Variants in LRRFIP1 observed in about 807,000 individuals in gnomAD.
The protein encoded by LRRFIP1 is LRR binding FLII interacting protein 1.
Under a neutral mutation model 104.4 loss-of-function variants are expected in LRRFIP1, and 62 were observed. The observed-to-expected ratio is 0.59, with a 90% CI of 0.48 to 0.73. The LOEUF is 0.73. Among genes scored for constraint, LRRFIP1 ranks in the 30% least tolerant of loss-of-function variants. The probability of loss-of-function intolerance (pLI) is 0.00; values close to 1 mark genes in which losing one functional copy is unlikely to be tolerated. For missense variants in LRRFIP1, 796 were observed against 824.5 expected (o/e 0.97, Z 0.42); for synonymous variants, 300 against 299.0 (o/e 1.00, Z -0.03).
intron 1 of LRRFIP1, among the ~76,000 whole-genome samples, chr2:237,706,213 C>G (rs1470685748): frequency 6.6e-6 from 1 of 152,060 alleles, no homozygotes; most frequent in Admixed American, 6.5e-5. Flanking sequence ...GTATGCAGGG[C>G]GTGTACACCA....
chr2:237,776,356 T>C (rs1014836201), intron 23 of LRRFIP1, among the ~76,000 whole-genome samples: 1 of 152,252 alleles, frequency 6.6e-6, no homozygotes, highest in Non-Finnish European at 1.5e-5. Context: ...AATGGCCTGA[T>C]ACATGATTCA....
chr2:237,637,135 T>C (rs1445308056), intron 1 of LRRFIP1, among the ~76,000 whole-genome samples: 1 of 152,178 alleles, frequency 6.6e-6, no homozygotes, highest in Non-Finnish European at 1.5e-5. Flanking sequence ...CAAATAAAGA[T>C]AGTAAAACAA....
At chr2:237,629,869 A>G (rs905663149) in intron 1 of LRRFIP1, among the ~76,000 whole-genome samples, 1 of 152,162 alleles carries the variant, frequency 6.6e-6, no homozygotes, top group African/African-American at 2.4e-5. Flanking sequence ...AGGGAGATGC[A>G]GTTGGAGTTA....
At position 237,758,755 on chromosome 2, in the gene LRRFIP1, T is replaced by G; in HGVS notation, c.1251T>G (p.Phe417Leu). The change falls in exon 18 of 24, where the codon TTT (phenylalanine) becomes TTG (leucine). Residue 417 changes from phenylalanine (F) to leucine (L), a missense_variant. Phe to Leu is a conservative substitution (Grantham distance 22, BLOSUM62 0). Coordinates refer to ENST00000308482, the MANE Select transcript of LRRFIP1 (RefSeq NM_001137550.2). ...IGALERQKEF[F>L]DSVRSERDDL... Reference sequence around the variant, plus strand: ...CATTAGAGAGGCAGAAAGAGTTCTTTGATTCCGTAAGGAGTGAACGGGATG... The same window carrying G: ...CATTAGAGAGGCAGAAAGAGTTCTTGGATTCCGTAAGGAGTGAACGGGATG... The G allele has an allele frequency of 1.2e-6, 2 of 1,613,422 alleles. No homozygotes were observed. The highest frequency in any genetic ancestry group is 1.7e-6 in the Non-Finnish European group (2 of 1,179,684).
intron 1 of LRRFIP1, among the ~76,000 whole-genome samples, chr2:237,665,136 C>A (rs2088952594): frequency 6.6e-6 from 1 of 151,988 alleles, no homozygotes; most frequent in Non-Finnish European, 1.5e-5. Context: ...GTGAAATAAA[C>A]CATTTACTTC....
intron 1 of LRRFIP1, among the ~76,000 whole-genome samples, chr2:237,640,468 G>C (rs2083770871): frequency 6.6e-6 from 1 of 152,070 alleles, no homozygotes; most frequent in Non-Finnish European, 1.5e-5. Context: ...GGCTGCAGGA[G>C]AAGGGACAGG....
At chr2:237,746,050 T>G (rs1437152744) in intron 11 of LRRFIP1, among the ~76,000 whole-genome samples, 3 of 146,672 alleles carry the variant, frequency 2.0e-5, no homozygotes, top group Admixed American at 1.4e-4. Context: ...TTTTATTTAT[T>G]TTATTTTATT....
At chr2:237,636,779 G>A (rs1014524214) in intron 1 of LRRFIP1, among the ~76,000 whole-genome samples, 12 of 152,208 alleles carry the variant, frequency 7.9e-5, no homozygotes, top group Non-Finnish European at 1.3e-4. Flanking sequence ...CACACAGGGC[G>A]GCTGAAGTGT....
At chr2:237,739,415 A>G (rs544484902) in intron 11 of LRRFIP1, 106 bp downstream of exon 11, 117 of 989,212 alleles carry the variant, frequency 1.2e-4, no homozygotes, top group Non-Finnish European at 1.7e-4. Flanking sequence ...CTCTGCGGTG[A>G]TATTATTAGG....
At position 237,721,014 on chromosome 2, in the gene LRRFIP1, T is replaced by C. The variant is rs142710979; in HGVS notation, c.345+192T>C. The stretch of plus-strand genomic sequence containing the variant: ...TGTTGCTGTAGAGAGATGATTTATA[T>C]GCATAGGCACGTTGGTTGTTTCTTT... On this transcript the variant is annotated intron_variant, in intron 6 of 23. Coordinates refer to ENST00000308482, the MANE Select transcript of LRRFIP1 (RefSeq NM_001137550.2). 5.6e-3 allele frequency: 3,102 copies of C among 556,766 alleles called. 23 individuals are homozygous for C. The highest frequency in any genetic ancestry group is 0.02 in the South Asian group (864 of 42,780). 34.5% of individuals were successfully genotyped at this position (556,766 alleles called of 1,614,324 possible).
intron 1 of LRRFIP1, among the ~76,000 whole-genome samples, chr2:237,692,782 C>T (rs2092906399): frequency 1.3e-5 from 2 of 152,262 alleles, no homozygotes; most frequent in African/African-American, 4.8e-5. Context: ...GGTCTCTCCC[C>T]GCCCGAGGTG....
intron 1 of LRRFIP1, among the ~76,000 whole-genome samples, chr2:237,694,117 T>TG (rs1358858441): frequency 5.3e-5 from 8 of 152,202 alleles, no homozygotes; most frequent in Non-Finnish European, 1.0e-4. Flanking sequence ...CCCTGTCCAA[T>TG]GGGGGGCTAG....
At chr2:237,699,069 G>T (rs772129166) in intron 1 of LRRFIP1, among the ~76,000 whole-genome samples, 12 of 152,230 alleles carry the variant, frequency 7.9e-5, no homozygotes, top group Non-Finnish European at 1.6e-4. Context: ...ACACACCTGT[G>T]CCTGGCGTCA....
At chr2:237,686,466 A>G (rs1050730404) in intron 1 of LRRFIP1, among the ~76,000 whole-genome samples, 1 of 152,226 alleles carries the variant, frequency 6.6e-6, no homozygotes, top group Non-Finnish European at 1.5e-5. Context: ...AAAGTCCTCC[A>G]TTTTGTTAGG....
Position 237,720,755 on chromosome 2 carries a change from G to T in LRRFIP1, c.295-17G>T. 1.2e-6 allele frequency: 2 copies of T among 1,612,792 alleles called. No individual in the cohort carries two copies. The highest frequency in any genetic ancestry group is 1.7e-6 in the Non-Finnish European group (2 of 1,178,848). On this transcript the variant is annotated splice_polypyrimidine_tract_variant and intron_variant, in intron 5 of 23. Transcript: ENST00000308482. Reference sequence around the variant, plus strand: ...GTATGATTCCTTCACGGTTGTTCTCGTCCTTTCTTTTAATAGGCTTCTGAT... The same window carrying T: ...GTATGATTCCTTCACGGTTGTTCTCTTCCTTTCTTTTAATAGGCTTCTGAT...
chr2:237,642,143 G>T (rs1411579657), intron 1 of LRRFIP1, among the ~76,000 whole-genome samples: 2 of 152,228 alleles, frequency 1.3e-5, no homozygotes, highest in Non-Finnish European at 2.9e-5. Flanking sequence ...GCGATACTGG[G>T]TGGCTGTGAG....
chr2:237,768,174 T>C lies in LRRFIP1; in HGVS notation c.1460-1769T>C, dbSNP rs2060358748. 4 of 152,246 alleles carry C rather than the reference T, an allele frequency of 2.6e-5. No individual in the cohort carries two copies. The South Asian group carries it at 8.3e-4, about 31-fold the overall frequency. The allele number at this position is 152,246 out of a possible 1,614,324, so 9.4% of individuals were successfully genotyped here. ...TTATTTTCTTCATGTCAAATTATTTTGCTTCATTTCTTTTTCCATTTTCTT... is the reference window on the plus strand; with the variant it reads ...TTATTTTCTTCATGTCAAATTATTTCGCTTCATTTCTTTTTCCATTTTCTT... On this transcript the variant is annotated intron_variant, in intron 19 of 23. Transcript: ENST00000308482.
intron 10 of LRRFIP1, among the ~76,000 whole-genome samples, chr2:237,736,014 G>T (rs1314173199): frequency 6.6e-6 from 1 of 152,172 alleles, no homozygotes; most frequent in Non-Finnish European, 1.5e-5. Context: ...CTATAAAAAT[G>T]TCTTCAAGCC....
Position 237,711,391 on chromosome 2 carries a change from G to A in LRRFIP1, c.183+2761G>A, listed in dbSNP as rs1056796038. 6.6e-6 allele frequency among the ~76,000 whole-genome samples: 1 copy of A among 152,220 alleles called. No homozygotes were observed. Among genetic ancestry groups the A allele is most frequent in the East Asian group, 1.9e-4 (1 of 5,202 alleles). On this transcript the variant is annotated intron_variant, in intron 2 of 23. Coordinates refer to ENST00000308482, the MANE Select transcript of LRRFIP1 (RefSeq NM_001137550.2). This position sits in a 1 kb window ranked among gnomAD's most constrained non-coding sequence, Gnocchi z 4.4. The stretch of plus-strand genomic sequence containing the variant: ...AGGGGTCAAGATATCTCGCCCTGTT[G>A]CAAATTCGGCGGAACATCCGCCACT...
Sources: allele counts gnomAD v4.1 joint callset (sites outside exome capture counted in the v4.1 genomes callset), GRCh38; gene constraint gnomAD v4.1.1; non-coding constraint Gnocchi (gnomAD v3.1); transcripts MANE v1.5; gene names NCBI Gene and HGNC (gene_info 2026-07-23, HGNC 2026-07-21).